OC90: variants seen among roughly 807,000 people sequenced by gnomAD.
OC90 encodes the protein otoconin-90.
In OC90, 46 loss-of-function variants were observed where a neutral mutation model predicts 47.3. The ratio of observed to expected loss-of-function variants is 0.97; its 90% CI spans 0.77 to 1.24. OC90 has a LOEUF of 1.24. Among genes scored for constraint, OC90 ranks in the 50% most tolerant of loss-of-function variants. OC90 has a pLI of 0.00. For missense variants in OC90, 688 were observed against 583.9 expected (o/e 1.18, Z -1.84); for synonymous variants, 271 against 219.5 (o/e 1.23, Z -2.07).
intron 1 of OC90, among the ~76,000 whole-genome samples, chr8:132,057,108 C>A (rs912834213): frequency 1.3e-5 from 2 of 152,174 alleles, no homozygotes; most frequent in Admixed American, 1.3e-4. Flanking sequence ...GAGGCACATA[C>A]AACAGCGCCT....
chr8:132,033,026 T>G lies in OC90; in HGVS notation c.859+13A>C. ...TCCCAGCAGCGGAGAGGACAGACAC[T>G]GCTTCTGCTCACCTTTTTCAGTGGT... is the stretch of plus-strand genomic sequence containing the variant. On this transcript the variant is annotated intron_variant, in intron 11 of 13. Coordinates refer to ENST00000254627, the MANE Select transcript of OC90 (RefSeq NM_001080399.3). 6.2e-7 allele frequency: 1 copy of G among 1,606,916 alleles called. No individual in the cohort carries two copies. Among genetic ancestry groups the G allele is most frequent in the Non-Finnish European group, 8.5e-7 (1 of 1,176,820 alleles).
intron 6 of OC90, 80 bp downstream of exon 6, chr8:132,040,964 G>A: frequency 1.2e-6 from 1 of 842,940 alleles, no homozygotes; most frequent in East Asian, 2.4e-5. Context: ...GGATCACAAT[G>A]CCCTCAGCCT....
chr8:132,055,529 C>T (rs879480070), intron 1 of OC90, among the ~76,000 whole-genome samples: 2 of 152,222 alleles, frequency 1.3e-5, no homozygotes, highest in Non-Finnish European at 2.9e-5. Context: ...ATAGCCCGTA[C>T]TTTATGATAT....
chr8:132,028,173 T>C (rs916202159), intron 13 of OC90, among the ~76,000 whole-genome samples: 1 of 152,098 alleles, frequency 6.6e-6, no homozygotes, highest in African/African-American at 2.4e-5. Context: ...AATCTCCTCA[T>C]CAGTGGAAGA....
At position 132,044,384 on chromosome 8, in the gene OC90, C is replaced by T. The variant is rs564887694; in HGVS notation, c.169+49G>A. On this transcript the variant is annotated intron_variant, in intron 4 of 13. Transcript: ENST00000254627. ...CTTGCAATTTCCTTAGATTTGTCCA[C>T]ACATGCTCTGACCTCTGGTGGATAA... is the stretch of plus-strand genomic sequence containing the variant. The T allele has an allele frequency of 5.7e-6, 6 of 1,051,936 alleles. No homozygotes were observed. In the East Asian group the frequency reaches 1.5e-4, roughly 27 times the overall value. The allele number at this position is 1,051,936 out of a possible 1,614,324, so 65.2% of individuals were successfully genotyped here.
At chr8:132,040,948 G>A (rs1823043160) in intron 6 of OC90, 96 bp downstream of exon 6, 1 of 776,540 alleles carries the variant, frequency 1.3e-6, no homozygotes, top group African/African-American at 1.7e-5. Context: ...TGACGATGAT[G>A]TGAGAGGATC....
At chr8:132,055,906 G>C (rs1374703365) in intron 1 of OC90, among the ~76,000 whole-genome samples, 2 of 152,270 alleles carry the variant, frequency 1.3e-5, no homozygotes, top group African/African-American at 4.8e-5. Flanking sequence ...AGGGGGACGG[G>C]GTGGGAGGCG....
In OC90 at chr8:132,058,722, C is replaced by T. The variant is rs78982757; in HGVS notation, c.-48+619G>A. Among the ~76,000 whole-genome samples, 1,548 of 152,282 alleles carry T rather than the reference C, an allele frequency of 0.01. 48 individuals are homozygous for T. The East Asian group carries it at 0.11, about 11-fold the overall frequency. ...GGTAGAACACCATCTCCGGCACTTG[C>T]TCAGTGCTCAGTGAGGACTGCCCAT... is the stretch of plus-strand genomic sequence containing the variant. On this transcript the variant is annotated intron_variant, in intron 1 of 13. Transcript: ENST00000254627.
intron 2 of OC90, among the ~76,000 whole-genome samples, chr8:132,046,895 C>T (rs1318520616): frequency 2.6e-5 from 4 of 152,108 alleles, no homozygotes; most frequent in Admixed American, 2.6e-4. Context: ...TCTGAGTTGG[C>T]CTTGCTTGGC....
At chr8:132,050,279 C>T (rs1823194790) in intron 2 of OC90, among the ~76,000 whole-genome samples, 3 of 152,116 alleles carry the variant, frequency 2.0e-5, no homozygotes, top group Admixed American at 1.3e-4. Context: ...CCCTGAAGGC[C>T]TCAGAGGGGT....
intron 2 of OC90, among the ~76,000 whole-genome samples, chr8:132,046,323 G>A (rs1823132992): frequency 2.0e-5 from 3 of 152,158 alleles, no homozygotes; most frequent in African/African-American, 7.2e-5. Flanking sequence ...AGAATCACCT[G>A]GGATGCAGAC....
Position 132,035,251 on chromosome 8 carries a change from T to C in OC90, c.680-417A>G, listed in dbSNP as rs573493704. ...GAAAACCACTGAGCCTCAGTTTCTC[T>C]GTAAACTGAATTTGTTGTTATTGTT... On this transcript the variant is annotated intron_variant, in intron 9 of 13. Transcript: ENST00000254627. 1.2e-4 allele frequency among the ~76,000 whole-genome samples: 18 copies of C among 152,350 alleles called. No homozygotes were observed. In the East Asian group the frequency reaches 3.1e-3, roughly 26 times the overall value.
At chr8:132,030,548 C>T (rs1374344649) in intron 12 of OC90, among the ~76,000 whole-genome samples, 1 of 152,166 alleles carries the variant, frequency 6.6e-6, no homozygotes, top group Non-Finnish European at 1.5e-5. Context: ...CTATCTGTTG[C>T]CTTGTCTCAT....
At chr8:132,044,212 C>T (rs866342929) in intron 4 of OC90, among the ~76,000 whole-genome samples, 1 of 152,104 alleles carries the variant, frequency 6.6e-6, no homozygotes, top group African/African-American at 2.4e-5. Context: ...TGAGTCAGGA[C>T]TAATGAAGTA....
intron 6 of OC90, 38 bp downstream of exon 6, chr8:132,041,006 T>G (rs1172914830): frequency 1.6e-6 from 2 of 1,277,068 alleles, no homozygotes; most frequent in Non-Finnish European, 2.3e-6. Flanking sequence ...GACTGTCATT[T>G]CTGGGCCCAG....
intron 7 of OC90, 21 bp downstream of exon 7, chr8:132,038,974 A>C (rs574068509): frequency 7.4e-6 from 12 of 1,613,968 alleles, no homozygotes; most frequent in Non-Finnish European, 1.0e-5. Context: ...CCCACGGCTG[A>C]TGCAGCCAGG....
chr8:132,044,030 T>C (rs1387833576), intron 4 of OC90, among the ~76,000 whole-genome samples: 4 of 152,166 alleles, frequency 2.6e-5, no homozygotes, highest in Non-Finnish European at 5.9e-5. Context: ...AAACTTTATA[T>C]TTACTAGTGA....
Position 132,025,884 on chromosome 8 carries a change from C to G in OC90, c.1139-1108G>C, listed in dbSNP as rs538109867. Among the ~76,000 whole-genome samples the G allele has an allele frequency of 4.2e-3, 644 of 152,328 alleles. 3 individuals are homozygous for G. The highest frequency in any genetic ancestry group is 0.018 in the South Asian group (87 of 4,826). ...CAGAGCAGAGTCCAAGCACCTAACTCAAACCTTGAAAAATATTTCCCAAGT... is the reference window on the plus strand; with the variant it reads ...CAGAGCAGAGTCCAAGCACCTAACTGAAACCTTGAAAAATATTTCCCAAGT... On this transcript the variant is annotated intron_variant, in intron 13 of 13. Transcript: ENST00000254627.
Position 132,024,430 on chromosome 8 carries a change from G to A in OC90, c.*51C>T. ...GGAGGCTGAGAGATAAAGAGCTGAA[G>A]GTGGAGCAGGAGCCACGCTACTGAA... On this transcript the variant is annotated 3_prime_UTR_variant, in exon 14 of 14. Transcript: ENST00000254627. The A allele has an allele frequency of 1.5e-6, 2 of 1,368,022 alleles. No homozygotes were observed. Among genetic ancestry groups the A allele is most frequent in the Non-Finnish European group, 2.0e-6 (2 of 1,002,668 alleles). 84.7% of individuals were successfully genotyped at this position (1,368,022 alleles called of 1,614,324 possible). A position where few individuals can be genotyped will look rare whatever the true frequency, so the allele number is the denominator to read the frequency against.
Sources: allele counts gnomAD v4.1 joint callset (sites outside exome capture counted in the v4.1 genomes callset), GRCh38; gene constraint gnomAD v4.1.1; transcripts MANE v1.5; gene names NCBI Gene and HGNC (gene_info 2026-07-23, HGNC 2026-07-21).